Variants in RIMOC1 observed in about 807,000 individuals in gnomAD.
RIMOC1 encodes RAB7A-interacting MON1-CCZ1 complex subunit 1.
chr5:41,917,497 T>C, the RIMOC1 span: 7 of 1,258,382 alleles, frequency 5.6e-6, no homozygotes, highest in Non-Finnish European at 6.0e-6. Flanking sequence ...GGATGATTCT[T>C]TAATTTCTAA....
the RIMOC1 span, chr5:41,917,783 A>G: frequency 1.1e-6 from 1 of 893,260 alleles, no homozygotes; most frequent in Non-Finnish European, 1.3e-6. Flanking sequence ...ACTAATATTC[A>G]GATTCCATTT....
At chr5:41,917,985 AG>A in the RIMOC1 span, 3 of 984,224 alleles carry the variant, frequency 3.0e-6, no homozygotes. Context: ...AAACCAAGCT[AG>A]GTTAGTCTAC....
the RIMOC1 span, among the ~76,000 whole-genome samples, chr5:41,914,431 TG>T: frequency 1.3e-3 from 193 of 151,438 alleles, 6 homozygotes; most frequent in South Asian, 0.04. Context: ...CATTCCAGCC[TG>T]GGGGATAGAG....
chr5:41,917,688 C>T, the RIMOC1 span: 1 of 967,518 alleles, frequency 1.0e-6, no homozygotes, highest in South Asian at 4.8e-5. Context: ...TTGAAGTTTG[C>T]CATGCTTCAG....
the RIMOC1 span, chr5:41,904,570 T>C: frequency 9.0e-7 from 1 of 1,116,544 alleles, no homozygotes; most frequent in South Asian, 1.4e-5. Flanking sequence ...TTCCTTTGGG[T>C]CCCAGGCCGC....
chr5:41,918,038 A>C, the RIMOC1 span: 1 of 985,442 alleles, frequency 1.0e-6, no homozygotes, highest in Non-Finnish European at 1.2e-6. Flanking sequence ...TTCATAACAT[A>C]CTGAAATTTT....
the RIMOC1 span, chr5:41,918,453 C>T: frequency 2.0e-6 from 2 of 985,510 alleles, no homozygotes; most frequent in Non-Finnish European, 2.4e-6. Flanking sequence ...CCCTATCCAC[C>T]CTCAGCTTTA....
the RIMOC1 span, among the ~76,000 whole-genome samples, chr5:41,905,533 G>A: frequency 6.6e-6 from 1 of 152,208 alleles, no homozygotes; most frequent in Non-Finnish European, 1.5e-5. Context: ...GCTTCCCAAA[G>A]TGCTGGGATT....
chr5:41,909,633 T>C, the RIMOC1 span: 6 of 607,300 alleles, frequency 9.9e-6, no homozygotes, highest in Non-Finnish European at 2.6e-6. Context: ...CATACTGAGC[T>C]AGAAGATTTA....
At chr5:41,907,420 AATTATT>A in the RIMOC1 span, among the ~76,000 whole-genome samples, 198 of 152,206 alleles carry the variant, frequency 1.3e-3, 2 homozygotes, top group South Asian at 0.013. Context: ...AAATTTGTTT[AATTATT>A]TTGAGTGCAT....
the RIMOC1 span, among the ~76,000 whole-genome samples, chr5:41,913,658 C>G: frequency 6.6e-6 from 1 of 152,076 alleles, no homozygotes; most frequent in Non-Finnish European, 1.5e-5. Flanking sequence ...TGGAAATATT[C>G]TAGTATATTA....
the RIMOC1 span, chr5:41,916,502 T>C: frequency 1.1e-6 from 1 of 949,874 alleles, no homozygotes; most frequent in Non-Finnish European, 1.3e-6. Flanking sequence ...TTGTATGGAC[T>C]CTCAGGCATG....
At chr5:41,916,612 G>A in the RIMOC1 span, among the ~76,000 whole-genome samples, 8 of 152,106 alleles carry the variant, frequency 5.3e-5, no homozygotes, top group African/African-American at 1.9e-4. Context: ...CCAAAATAAA[G>A]GGTGTGTCCA....
chr5:41,904,574 A>G, the RIMOC1 span: 1 of 1,068,314 alleles, frequency 9.4e-7, no homozygotes, highest in Non-Finnish European at 1.4e-6. Flanking sequence ...TTTGGGTCCC[A>G]GGCCGCAGGT....
the RIMOC1 span, among the ~76,000 whole-genome samples, chr5:41,910,485 GTA>G: frequency 3.3e-5 from 5 of 151,744 alleles, no homozygotes; most frequent in African/African-American, 1.2e-4. Context: ...CCTATGATTT[GTA>G]TATCTAGTCC....
chr5:41,915,594 C>T, the RIMOC1 span, among the ~76,000 whole-genome samples: 1 of 152,122 alleles, frequency 6.6e-6, no homozygotes, highest in African/African-American at 2.4e-5. Context: ...TGGCAGAAGG[C>T]AGAAGGCACT....
the RIMOC1 span, chr5:41,911,353 A>G: frequency 4.3e-6 from 2 of 460,524 alleles, no homozygotes; most frequent in Non-Finnish European, 7.2e-6. Context: ...AGACTAAATC[A>G]GATAACATGT....
the RIMOC1 span, chr5:41,917,242 A>T: frequency 5.6e-6 from 9 of 1,613,660 alleles, no homozygotes; most frequent in East Asian, 2.0e-4. Context: ...AAGAACAAGA[A>T]TGGAATACAA....
At chr5:41,904,521 G>A in the RIMOC1 span, 1 of 1,520,340 alleles carries the variant, frequency 6.6e-7, no homozygotes, top group Non-Finnish European at 9.0e-7. Context: ...TAAGGTACTG[G>A]CGCTCGATGG....
Sources: allele counts gnomAD v4.1 joint callset (sites outside exome capture counted in the v4.1 genomes callset), GRCh38; gene constraint gnomAD v4.1.1; transcripts MANE v1.5; gene names NCBI Gene and HGNC (gene_info 2026-07-23, HGNC 2026-07-21).